CATSPERQ: variants seen among roughly 807,000 people sequenced by gnomAD.
CATSPERQ encodes cation channel sperm-associated auxiliary subunit theta.
chr8:144,353,613 CAT>C, the CATSPERQ span: 49 of 1,460,860 alleles, frequency 3.4e-5, no homozygotes, highest in Non-Finnish European at 4.2e-5. Flanking sequence ...TACCAGGCTG[CAT>C]CCCCCGTCCT....
At chr8:144,354,432 G>T in the CATSPERQ span, 3 of 1,343,446 alleles carry the variant, frequency 2.2e-6, no homozygotes, top group South Asian at 1.5e-5. This position sits in a 1 kb window ranked among gnomAD's most constrained non-coding sequence, Gnocchi z 4.6. Context: ...CGCAGGGCTC[G>T]CGGAGGCGAC....
At chr8:144,354,649 C>T in the CATSPERQ span, 1 of 1,533,452 alleles carries the variant, frequency 6.5e-7, no homozygotes, top group Non-Finnish European at 8.7e-7. This position sits in a 1 kb window ranked among gnomAD's most constrained non-coding sequence, Gnocchi z 4.6. Flanking sequence ...TGGGTAGAAG[C>T]TATTGTTCTT....
chr8:144,353,708 A>G, the CATSPERQ span: 2 of 1,520,538 alleles, frequency 1.3e-6, no homozygotes, highest in Admixed American at 2.0e-5. Flanking sequence ...AAACGGCCCC[A>G]CCCAAAGACC....
At chr8:144,354,679 C>T in the CATSPERQ span, 4 of 1,535,440 alleles carry the variant, frequency 2.6e-6, no homozygotes, top group Non-Finnish European at 3.5e-6. The surrounding 1 kb of genome is among the most constrained non-coding windows in gnomAD (Gnocchi z 4.6). Flanking sequence ...GGCCAGGTGG[C>T]GCTCCGGGCA....
the CATSPERQ span, chr8:144,354,846 G>T: frequency 6.7e-7 from 1 of 1,487,170 alleles, no homozygotes; most frequent in African/African-American, 1.4e-5. This position sits in a 1 kb window ranked among gnomAD's most constrained non-coding sequence, Gnocchi z 4.6. Context: ...TCCTACCTCG[G>T]TGAGCAAATT....
chr8:144,354,772 G>C, the CATSPERQ span: 7 of 1,534,628 alleles, frequency 4.6e-6, no homozygotes, highest in Non-Finnish European at 6.1e-6. The surrounding 1 kb of genome is among the most constrained non-coding windows in gnomAD (Gnocchi z 4.6). Context: ...AGGCATCTGA[G>C]TCAGGCAGAG....
chr8:144,354,306 G>C, the CATSPERQ span: 1 of 1,533,936 alleles, frequency 6.5e-7, no homozygotes, highest in Non-Finnish European at 8.7e-7. This position sits in a 1 kb window ranked among gnomAD's most constrained non-coding sequence, Gnocchi z 4.6. Context: ...TCCACAGTGT[G>C]TCCAGGTAGT....
chr8:144,354,153 C>T, the CATSPERQ span: 10 of 1,535,024 alleles, frequency 6.5e-6, no homozygotes, highest in South Asian at 1.2e-5. The surrounding 1 kb of genome is among the most constrained non-coding windows in gnomAD (Gnocchi z 4.6). Flanking sequence ...TCTGCACCTG[C>T]GGGCGCCACG....
At chr8:144,354,027 G>A in the CATSPERQ span, 1 of 1,535,398 alleles carries the variant, frequency 6.5e-7, no homozygotes, top group East Asian at 2.4e-5. The surrounding 1 kb of genome is among the most constrained non-coding windows in gnomAD (Gnocchi z 4.6). Flanking sequence ...CCTGGATGGA[G>A]AAGTGGTACA....
the CATSPERQ span, chr8:144,354,208 C>A: frequency 6.5e-7 from 1 of 1,546,054 alleles, no homozygotes; most frequent in Non-Finnish European, 8.7e-7. The surrounding 1 kb of genome is among the most constrained non-coding windows in gnomAD (Gnocchi z 4.6). Context: ...GGGAGGAGGG[C>A]GGTGGGGGTC....
the CATSPERQ span, chr8:144,354,491 C>A: frequency 7.3e-7 from 1 of 1,361,732 alleles, no homozygotes; most frequent in South Asian, 1.5e-5. This position sits in a 1 kb window ranked among gnomAD's most constrained non-coding sequence, Gnocchi z 4.6. Flanking sequence ...CGGCCCCACC[C>A]AGGGCCCTGG....
At chr8:144,354,073 G>A in the CATSPERQ span, 288 of 1,535,224 alleles carry the variant, frequency 1.9e-4, no homozygotes, top group Admixed American at 2.6e-4. The surrounding 1 kb of genome is among the most constrained non-coding windows in gnomAD (Gnocchi z 4.6). Flanking sequence ...GCGGCGCCGC[G>A]GCAGCGACGA....
chr8:144,354,261 C>T, the CATSPERQ span: 7 of 1,536,950 alleles, frequency 4.6e-6, no homozygotes, highest in East Asian at 7.3e-5. This position sits in a 1 kb window ranked among gnomAD's most constrained non-coding sequence, Gnocchi z 4.6. Context: ...TGAAGCTGAC[C>T]AGGACCACGC....
chr8:144,353,290 A>G, the CATSPERQ span: 1 of 1,470,118 alleles, frequency 6.8e-7, no homozygotes, highest in Non-Finnish European at 9.0e-7. Flanking sequence ...GATCTGCCCC[A>G]GAGTGGGGCT....
the CATSPERQ span, chr8:144,354,915 A>G: frequency 7.5e-7 from 1 of 1,325,610 alleles, no homozygotes; most frequent in Non-Finnish European, 1.0e-6. The surrounding 1 kb of genome is among the most constrained non-coding windows in gnomAD (Gnocchi z 4.6). Context: ...CAGGGCAGCG[A>G]GGCCAGGGAG....
chr8:144,353,574 C>T, the CATSPERQ span: 5 of 1,495,784 alleles, frequency 3.3e-6, no homozygotes, highest in Admixed American at 4.2e-5. Flanking sequence ...AGGACAGACC[C>T]GAGTCGCCGT....
the CATSPERQ span, chr8:144,354,547 C>T: frequency 7.1e-7 from 1 of 1,411,446 alleles, no homozygotes; most frequent in South Asian, 1.4e-5. This position sits in a 1 kb window ranked among gnomAD's most constrained non-coding sequence, Gnocchi z 4.6. Flanking sequence ...GCCTCGGGCC[C>T]GTCTCCCTCC....
the CATSPERQ span, chr8:144,353,813 G>T: frequency 2.0e-6 from 3 of 1,535,564 alleles, 1 homozygote; most frequent in South Asian, 2.4e-5. Flanking sequence ...AGCACCAGGG[G>T]CTCCAACCTG....
the CATSPERQ span, chr8:144,354,592 C>A: frequency 7.0e-7 from 1 of 1,429,464 alleles, no homozygotes. This position sits in a 1 kb window ranked among gnomAD's most constrained non-coding sequence, Gnocchi z 4.6. Context: ...CCGCCCCGCC[C>A]CGCCCCGCCC....
Sources: gnomAD v4.1 joint callset for allele counts on GRCh38, gnomAD v4.1.1 for gene constraint, Gnocchi (gnomAD v3.1) non-coding constraint, MANE v1.5 for transcripts, NCBI Gene and HGNC (gene_info 2026-07-23, HGNC 2026-07-21) for gene names.